The following CSMD1 variants were observed in gnomAD, a reference collection of about 807,000 sequenced individuals.
CSMD1 encodes the protein CUB and sushi domain-containing protein 1.
In CSMD1, 213 loss-of-function variants were observed where a neutral mutation model predicts 417.5. The observed-to-expected ratio is 0.51, with a 90% CI of 0.46 to 0.57. The LOEUF (loss-of-function observed/expected upper bound fraction) is 0.57. CSMD1 is among the 20% of genes least tolerant of loss of function. CSMD1 has a pLI of 0.00. For synonymous variants in CSMD1, 2,862 were observed against 1,736.8 expected (o/e 1.65, Z -16.11); for missense variants, 6,923 against 4,529.7 (o/e 1.53, Z -15.17).
Position 3,356,793 on chromosome 8 carries a change from G to A in CSMD1, c.3304+2359C>T, listed in dbSNP as rs78087658. On this transcript the variant is annotated intron_variant, in intron 21 of 69. Transcript: ENST00000635120. ...CCTGAGAGGGCTCCATCTGTCTGCA[G>A]GAGGCTGCTGGCTGAGCACTGGGTG... 1.1e-3 allele frequency among the ~76,000 whole-genome samples: 172 copies of A among 152,362 alleles called. 1 individual carries two copies. The highest frequency in any genetic ancestry group is 4.0e-3 in the African/African-American group (165 of 41,592).
At chr8:4,862,388 T>C (rs1231177392) in intron 1 of CSMD1, among the ~76,000 whole-genome samples, 1 of 152,092 alleles carries the variant, frequency 6.6e-6, no homozygotes, top group African/African-American at 2.4e-5. Flanking sequence ...CAGTAGTTCT[T>C]TCAAAGAATC....
intron 1 of CSMD1, among the ~76,000 whole-genome samples, chr8:4,880,241 T>G (rs1803306334): frequency 6.6e-6 from 1 of 151,994 alleles, no homozygotes; most frequent in Non-Finnish European, 1.5e-5. Flanking sequence ...ACGCATTCAG[T>G]GACCTGTTCC....
At chr8:4,564,916 A>G (rs978856056) in intron 2 of CSMD1, among the ~76,000 whole-genome samples, 3 of 152,208 alleles carry the variant, frequency 2.0e-5, no homozygotes, top group South Asian at 2.1e-4. Context: ...TCTCTATGAT[A>G]TAGTTAATAG....
chr8:4,221,261 C>G lies in CSMD1; in HGVS notation c.416-189162G>C, dbSNP rs187949648. ...TGAAATGTATGAAATGTATCAACAC[C>G]TGCTCTGGAGAATTTTCAGTTAAAC... is the stretch of plus-strand genomic sequence containing the variant. On this transcript the variant is annotated intron_variant, in intron 3 of 69. Coordinates refer to ENST00000635120, the MANE Select transcript of CSMD1 (RefSeq NM_033225.6). Among the ~76,000 whole-genome samples, 11 of 152,026 alleles carry G rather than the reference C, an allele frequency of 7.2e-5. 1 individual carries two copies. The East Asian group carries it at 1.7e-3, about 24-fold the overall frequency.
At chr8:3,444,676 G>C (rs1013155242) in intron 12 of CSMD1, among the ~76,000 whole-genome samples, 3 of 152,124 alleles carry the variant, frequency 2.0e-5, no homozygotes, top group African/African-American at 7.2e-5. Flanking sequence ...AATGGTGATA[G>C]GCCTGAGGCT....
chr8:3,435,876 C>G (rs1401578930), intron 12 of CSMD1, among the ~76,000 whole-genome samples: 1 of 152,242 alleles, frequency 6.6e-6, no homozygotes, highest in South Asian at 2.1e-4. Flanking sequence ...GCTTCTGCCC[C>G]ACTGGAAAGA....
Position 3,984,704 on chromosome 8 carries a change from CATATATATATATATATATATATATAT to C in CSMD1, c.818+13173_818+13198del, listed in dbSNP as rs59669026. ...TGGGTTCAGGATTCAGTGTATATAT[CATATATATATATATATATATATATAT>C]ATATATATATATATATATATATTTG... On this transcript the variant is annotated intron_variant, in intron 5 of 69. Transcript: ENST00000635120. 8.0e-3 allele frequency among the ~76,000 whole-genome samples: 665 copies of C among 82,844 alleles called. 8 individuals carry two copies. Among genetic ancestry groups the C allele is most frequent in the African/African-American group, 0.026 (585 of 22,456 alleles). 54.3% of individuals were successfully genotyped at this position (82,844 alleles called of 152,430 possible). A position where few individuals can be genotyped will look rare whatever the true frequency, so the allele number is the denominator to read the frequency against.
At chr8:4,031,761 G>T (rs1013142226) in intron 4 of CSMD1, 144 bp downstream of exon 4, 3 of 549,946 alleles carry the variant, frequency 5.5e-6, no homozygotes, top group Non-Finnish European at 3.1e-6. Flanking sequence ...ATGTAATATT[G>T]CTTTCAGGAG....
intron 5 of CSMD1, among the ~76,000 whole-genome samples, chr8:3,976,115 T>C (rs911512072): frequency 7.9e-5 from 12 of 152,024 alleles, no homozygotes; most frequent in African/African-American, 2.4e-4. Context: ...ATAGAGAAAA[T>C]ACATTACCTA....
intron 2 of CSMD1, among the ~76,000 whole-genome samples, chr8:4,549,630 G>C (rs1048009409): frequency 6.6e-6 from 1 of 151,914 alleles, no homozygotes; most frequent in African/African-American, 2.4e-5. Flanking sequence ...GGCTCACACC[G>C]GTAATCCCAG....
intron 3 of CSMD1, among the ~76,000 whole-genome samples, chr8:4,122,661 G>T (rs561873755): frequency 6.6e-6 from 1 of 152,288 alleles, no homozygotes; most frequent in East Asian, 1.9e-4. Context: ...GTGAGGCCAG[G>T]AAGGGCAGAC....
intron 1 of CSMD1, among the ~76,000 whole-genome samples, chr8:4,668,810 C>A (rs547324049): frequency 3.7e-4 from 57 of 152,232 alleles, no homozygotes; most frequent in African/African-American, 1.4e-3. Context: ...TCAACATTCT[C>A]CATGATTTCT....
At chr8:4,627,630 G>A (rs1242213887) in intron 2 of CSMD1, among the ~76,000 whole-genome samples, 1 of 151,888 alleles carries the variant, frequency 6.6e-6, no homozygotes, top group Non-Finnish European at 1.5e-5. Context: ...TTCCTGACAC[G>A]ATGCCCAACA....
chr8:4,105,889 C>G (rs890258412), intron 3 of CSMD1, among the ~76,000 whole-genome samples: 1 of 152,226 alleles, frequency 6.6e-6, no homozygotes, highest in East Asian at 1.9e-4. Context: ...CACAGCTCGG[C>G]TCTGTGCTGG....
intron 10 of CSMD1, among the ~76,000 whole-genome samples, chr8:3,573,017 C>T (rs1292517086): frequency 7.7e-6 from 1 of 130,424 alleles, no homozygotes; most frequent in Admixed American, 7.5e-5. Context: ...AATTTTAATT[C>T]AAATTGAAAT....
At chr8:3,973,919 A>C (rs544765982) in intron 5 of CSMD1, among the ~76,000 whole-genome samples, 88 of 152,316 alleles carry the variant, frequency 5.8e-4, no homozygotes, top group African/African-American at 2.0e-3. Context: ...TTGATACAGG[A>C]ATGCCATGTG....
intron 55 of CSMD1, among the ~76,000 whole-genome samples, chr8:2,978,184 C>A (rs1805092515): frequency 3.9e-5 from 6 of 152,164 alleles, no homozygotes; most frequent in African/African-American, 1.4e-4. Flanking sequence ...GCCGTAGATG[C>A]CAGGTCAACA....
chr8:3,323,646 C>T (rs74650068), intron 23 of CSMD1, among the ~76,000 whole-genome samples: 7,023 of 152,262 alleles, frequency 0.046, 359 homozygotes, highest in East Asian at 0.21. Context: ...GTTGTGTTTA[C>T]AGAAGAAACA....
intron 20 of CSMD1, among the ~76,000 whole-genome samples, chr8:3,365,901 C>G (rs947476368): frequency 1.3e-5 from 2 of 152,288 alleles, no homozygotes; most frequent in East Asian, 3.9e-4. Flanking sequence ...TAACATACAG[C>G]AGTAGAGCTG....
Sources: gnomAD v4.1 joint callset for allele counts (sites outside exome capture counted in the v4.1 genomes callset) on GRCh38, gnomAD v4.1.1 for gene constraint, MANE v1.5 for transcripts, NCBI Gene and HGNC (gene_info 2026-07-23, HGNC 2026-07-21) for gene names.